The following DDAH2 variants were observed in gnomAD, a reference collection of about 807,000 sequenced individuals.
DDAH2 encodes putative hydrolase DDAH2.
In DDAH2, 8 loss-of-function variants were observed where a neutral mutation model predicts 24.8. The observed-to-expected ratio is 0.32, with a 90% CI of 0.19 to 0.58. The LOEUF (loss-of-function observed/expected upper bound fraction) is 0.58, where lower values mean the gene tolerates loss of function less well. Ranked by LOEUF, DDAH2 falls within the 20% of genes least tolerant of loss-of-function variation. The pLI is 0.87. For missense variants in DDAH2, 281 were observed against 379.0 expected (o/e 0.74, Z 2.15); for synonymous variants, 151 against 166.1 (o/e 0.91, Z 0.70).
chr6:31,729,232 G>A lies in DDAH2; in HGVS notation c.-71C>T. The stretch of plus-strand genomic sequence containing the variant: ...TTCTTGTTTCTTCACCTGTCTGGGA[G>A]AAGAAACAGAAAAGGAGGAGACAGA... On this transcript the variant is annotated 5_prime_UTR_variant, in exon 1 of 6. Coordinates refer to ENST00000375789, the MANE Select transcript of DDAH2 (RefSeq NM_001303007.2). This position sits in a 1 kb window ranked among gnomAD's most constrained non-coding sequence, Gnocchi z 6.7. The A allele has an allele frequency of 1.6e-6, 2 of 1,276,574 alleles. No individual in the cohort carries two copies. Among genetic ancestry groups the A allele is most frequent in the Non-Finnish European group, 2.2e-6 (2 of 917,522 alleles). The allele number at this position is 1,276,574 out of a possible 1,614,324, so 79.1% of individuals were successfully genotyped here.
chr6:31,727,771 G>C lies in DDAH2; in HGVS notation c.592-79C>G. ...CCTGCTCAACCACCACTAAGGGCTG[G>C]GGACGGACTGACATTTGTGGAAAAT... is the stretch of plus-strand genomic sequence containing the variant. On this transcript the variant is annotated intron_variant, in intron 4 of 5. Transcript: ENST00000375789. This position sits in a 1 kb window ranked among gnomAD's most constrained non-coding sequence, Gnocchi z 6.0. The C allele has an allele frequency of 6.9e-7, 1 of 1,454,844 alleles. No homozygotes were observed. The highest frequency in any genetic ancestry group is 9.3e-7 in the Non-Finnish European group (1 of 1,078,734). The allele number at this position is 1,454,844 out of a possible 1,614,324, so 90.1% of individuals were successfully genotyped here.
At position 31,727,278 on chromosome 6, in the gene DDAH2, T is replaced by G. The variant is rs1807450787; in HGVS notation, c.817A>C (p.Ser273Arg). 2.5e-6 allele frequency: 4 copies of G among 1,613,078 alleles called. No individual in the cohort carries two copies. The Middle Eastern group carries it at 4.9e-4, about 200-fold the overall frequency. Residue 273 changes from serine to arginine, a missense_variant, in exon 6 of 6, where the codon AGC becomes CGC. Transcript: ENST00000375789. This position sits in a 1 kb window ranked among gnomAD's most constrained non-coding sequence, Gnocchi z 6.0. ...GTGCTGAGCACCAAGCAGAGGGAGC[T>G]GAGCCCGGCGCCAGCCTTCTCCAGT... is the stretch of plus-strand genomic sequence containing the variant. Reference protein sequence around the residue: ...SELEKAGAGLSSLCLVLSTRP... With the variant: ...SELEKAGAGLRSLCLVLSTRP...
Position 31,727,730 on chromosome 6 carries a change from T to C in DDAH2, c.592-38A>G. 6.5e-7 allele frequency: 1 copy of C among 1,549,054 alleles called. No homozygotes were observed. The highest frequency in any genetic ancestry group is 8.7e-7 in the Non-Finnish European group (1 of 1,147,572). On this transcript the variant is annotated intron_variant, in intron 4 of 5. Transcript: ENST00000375789. The surrounding 1 kb of genome is among the most constrained non-coding windows in gnomAD (Gnocchi z 6.0). ...GGAAGTGTTCGAGTCTCAGAACCTC[T>C]CCACAGCTGTGTCTGCCTGCTCAAC... is the stretch of plus-strand genomic sequence containing the variant.
rs11752493 is a variant in DDAH2 at position 31,728,636 on chromosome 6, C to T, written c.397+10G>A. ...CCTGTGCCAAGACCTATGCCTCCCC[C>T]CAGCCTCACCGGTGAAGAGAACGTC... On this transcript the variant is annotated intron_variant, in intron 2 of 5. Coordinates refer to ENST00000375789, the MANE Select transcript of DDAH2 (RefSeq NM_001303007.2). This position sits in a 1 kb window ranked among gnomAD's most constrained non-coding sequence, Gnocchi z 9.8. 1 of 1,612,870 alleles carries T rather than the reference C, an allele frequency of 6.2e-7. No individual in the cohort carries two copies. Among genetic ancestry groups the T allele is most frequent in the Non-Finnish European group, 8.5e-7 (1 of 1,179,906 alleles).
rs777294461 is a variant in DDAH2, at chr6:31,727,332, C to T, written c.763G>A (p.Val255Ile). 1.9e-6 allele frequency: 3 copies of T among 1,612,818 alleles called. No individual in the cohort carries two copies. Among genetic ancestry groups the T allele is most frequent in the Non-Finnish European group, 2.5e-6 (3 of 1,179,954 alleles). The change falls in exon 6 of 6, where the codon GTC becomes ATC. Residue 255 changes from valine to isoleucine, a missense_variant. Val to Ile is a conservative substitution (Grantham distance 29, BLOSUM62 3). Transcript: ENST00000375789. This position sits in a 1 kb window ranked among gnomAD's most constrained non-coding sequence, Gnocchi z 6.0. ...GAGCAGGACACAGGTACCAGGGTGACATCAGAGAGCTTCTGCAGTGCCTGC... is the reference window on the plus strand; with the variant it reads ...GAGCAGGACACAGGTACCAGGGTGATATCAGAGAGCTTCTGCAGTGCCTGC... Reference protein sequence around the residue: ...SQEALQKLSDVTLVPVSCSEL... With the variant: ...SQEALQKLSDITLVPVSCSEL...
At chr6:31,729,503 C>A (rs1350376055), upstream of DDAH2, 1 of 320,986 alleles carries the variant, frequency 3.1e-6, no homozygotes, top group South Asian at 6.6e-5. This position sits in a 1 kb window ranked among gnomAD's most constrained non-coding sequence, Gnocchi z 6.7. Context: ...CCCTGTCGGG[C>A]GCCCCTCTTG....
rs759470664 is a variant in DDAH2, at chr6:31,727,297, C to T, written c.798G>A (p.Glu266=). ...TLVPVSCSEL[E]KAGAGLSSLC... ...GGGAGCTGAGCCCGGCGCCAGCCTT[C>T]TCCAGTTCTGAGCAGGACACAGGTA... Residue 266 remains glutamate (E), a synonymous_variant, in exon 6 of 6, where the codon GAG becomes GAA. Coordinates refer to ENST00000375789, the MANE Select transcript of DDAH2 (RefSeq NM_001303007.2). This position sits in a 1 kb window ranked among gnomAD's most constrained non-coding sequence, Gnocchi z 6.0. 1.2e-6 allele frequency: 2 copies of T among 1,613,110 alleles called. No individual in the cohort carries two copies. The highest frequency in any genetic ancestry group is 1.1e-5 in the South Asian group (1 of 91,080).
chr6:31,728,159 C>T lies in DDAH2; in HGVS notation c.591+14G>A, dbSNP rs371169103. ...GAACTGCGCCCACTTTCGTTGGCCC[C>T]GCCCCCTCCTCACCCGGACAGCCTT... On this transcript the variant is annotated intron_variant, in intron 4 of 5. Coordinates refer to ENST00000375789, the MANE Select transcript of DDAH2 (RefSeq NM_001303007.2). This position sits in a 1 kb window ranked among gnomAD's most constrained non-coding sequence, Gnocchi z 9.8. The T allele has an allele frequency of 6.8e-6, 11 of 1,610,268 alleles. No individual in the cohort carries two copies. In the African/African-American group the frequency reaches 1.3e-4, roughly 20 times the overall value.
Position 31,728,092 on chromosome 6 carries a change from G to T in DDAH2, c.591+81C>A. The T allele has an allele frequency of 6.5e-7, 1 of 1,544,520 alleles. No homozygotes were observed. On this transcript the variant is annotated intron_variant, in intron 4 of 5. Transcript: ENST00000375789. This position sits in a 1 kb window ranked among gnomAD's most constrained non-coding sequence, Gnocchi z 9.8. ...CAGCCCATTGAGGGCAGGGGTTAGG[G>T]CTAATTTCCTAAGCCTCCCAGCTCC... is the stretch of plus-strand genomic sequence containing the variant.
rs766920260 is a variant in DDAH2 at position 31,727,739 on chromosome 6, G to C, written c.592-47C>G. On this transcript the variant is annotated intron_variant, in intron 4 of 5. Coordinates refer to ENST00000375789, the MANE Select transcript of DDAH2 (RefSeq NM_001303007.2). The surrounding 1 kb of genome is among the most constrained non-coding windows in gnomAD (Gnocchi z 6.0). Reference sequence around the variant, plus strand: ...CGAGTCTCAGAACCTCTCCACAGCTGTGTCTGCCTGCTCAACCACCACTAA... The same window carrying C: ...CGAGTCTCAGAACCTCTCCACAGCTCTGTCTGCCTGCTCAACCACCACTAA... 2 of 1,534,064 alleles carry C rather than the reference G, an allele frequency of 1.3e-6. No homozygotes were observed. The highest frequency in any genetic ancestry group is 1.8e-6 in the Non-Finnish European group (2 of 1,141,048).
Position 31,727,685 on chromosome 6 carries a change from G to A in DDAH2, c.599C>T (p.Ala200Val), listed in dbSNP as rs1354556244. ...GGCATATGGGTGATCTGTCAGCACT[G>A]CCATTGCCTAGAGGAAAGAGGAAGT... is the stretch of plus-strand genomic sequence containing the variant. The part of the protein sequence containing the change: ...DAAQKAVRAM[A>V]VLTDHPYASL... Residue 200 changes from alanine to valine, a missense_variant, in exon 5 of 6, where the codon GCA becomes GTA. Coordinates refer to ENST00000375789, the MANE Select transcript of DDAH2 (RefSeq NM_001303007.2). This position sits in a 1 kb window ranked among gnomAD's most constrained non-coding sequence, Gnocchi z 6.0. 6.2e-7 allele frequency: 1 copy of A among 1,600,640 alleles called. No individual in the cohort carries two copies. Among genetic ancestry groups the A allele is most frequent in the Non-Finnish European group, 8.5e-7 (1 of 1,173,506 alleles).
Position 31,728,174 on chromosome 6 carries a change from C to G in DDAH2, c.590G>C (p.Arg197Pro). The stretch of plus-strand genomic sequence containing the variant: ...TCGTTGGCCCCGCCCCCTCCTCACC[C>G]GGACAGCCTTTTGGGCAGCGTCGCT... ...GSSDAAQKAV[R>P]AMAVLTDHPY... is the part of the protein sequence containing the mutation. Residue 197 changes from arginine (R) to proline (P), a missense_variant and splice_region_variant, in exon 4 of 6, where the codon CGG (arginine) becomes CCG (proline). Transcript: ENST00000375789. The surrounding 1 kb of genome is among the most constrained non-coding windows in gnomAD (Gnocchi z 9.8). The G allele has an allele frequency of 6.2e-7, 1 of 1,611,576 alleles. No individual in the cohort carries two copies. Among genetic ancestry groups the G allele is most frequent in the Non-Finnish European group, 8.5e-7 (1 of 1,179,856 alleles).
rs376853159 is a variant in DDAH2, at chr6:31,728,927, C to T, written c.235G>A (p.Ala79Thr). 1.3e-4 allele frequency: 212 copies of T among 1,612,996 alleles called. No individual in the cohort carries two copies. The highest frequency in any genetic ancestry group is 1.8e-4 in the Non-Finnish European group (207 of 1,180,034). ...LPLGPLLGDT[A>T]VIQGDTALIT... Reference sequence around the variant, plus strand: ...AGGGCCGTGTCCCCTTGGATCACGGCCGTGTCGCCAAGCAGCGGTCCCAGC... The same window carrying T: ...AGGGCCGTGTCCCCTTGGATCACGGTCGTGTCGCCAAGCAGCGGTCCCAGC... Residue 79 changes from alanine (A) to threonine (T), a missense_variant, in exon 1 of 6, where the codon GCC becomes ACC. By Grantham distance (58) the Ala-to-Thr change is moderately conservative. Transcript: ENST00000375789. This position sits in a 1 kb window ranked among gnomAD's most constrained non-coding sequence, Gnocchi z 9.8.
Position 31,727,559 on chromosome 6 carries a change from A to G in DDAH2, c.725T>C (p.Leu242Pro), listed in dbSNP as rs765073923. 8 of 1,612,990 alleles carry G rather than the reference A, an allele frequency of 5.0e-6. No homozygotes were observed. The highest frequency in any genetic ancestry group is 6.8e-6 in the Non-Finnish European group (8 of 1,180,034). ...CTCTCTCACCTCCTGGCTGTTGGGCAGATCCCCACCTCCACGGTGCAGGAG... is the reference window on the plus strand; with the variant it reads ...CTCTCTCACCTCCTGGCTGTTGGGCGGATCCCCACCTCCACGGTGCAGGAG... ...PFLLHRGGGD[L>P]PNSQEALQKL... The change falls in exon 5 of 6, where the codon CTG becomes CCG. Residue 242 changes from leucine to proline, a missense_variant. Leu to Pro is a moderately conservative substitution (Grantham distance 98, BLOSUM62 -3). Coordinates refer to ENST00000375789, the MANE Select transcript of DDAH2 (RefSeq NM_001303007.2). The surrounding 1 kb of genome is among the most constrained non-coding windows in gnomAD (Gnocchi z 6.0).
chr6:31,728,606 A>G lies in DDAH2; in HGVS notation c.397+40T>C. The G allele has an allele frequency of 6.2e-7, 1 of 1,611,608 alleles. No homozygotes were observed. The highest frequency in any genetic ancestry group is 8.5e-7 in the Non-Finnish European group (1 of 1,179,060). On this transcript the variant is annotated intron_variant, in intron 2 of 5. Coordinates refer to ENST00000375789, the MANE Select transcript of DDAH2 (RefSeq NM_001303007.2). This position sits in a 1 kb window ranked among gnomAD's most constrained non-coding sequence, Gnocchi z 9.8. ...CAGACGGCCGAGTCTCCCAAACTCT[A>G]CTTCCCTGTGCCAAGACCTATGCCT...
chr6:31,727,285 GGC>G lies in DDAH2; in HGVS notation c.808_809del (p.Ala270ArgfsTer28). ...VSCSELEKAG[A>X]GLSSLCLVLS... Reference sequence around the variant, plus strand: ...GCACCAAGCAGAGGGAGCTGAGCCCGGCGCCAGCCTTCTCCAGTTCTGAGCAG... The same window carrying G: ...GCACCAAGCAGAGGGAGCTGAGCCCGGCCAGCCTTCTCCAGTTCTGAGCAG... On this transcript the variant is annotated frameshift_variant, in exon 6 of 6. Coordinates refer to ENST00000375789, the MANE Select transcript of DDAH2 (RefSeq NM_001303007.2). LOFTEE classifies it high-confidence loss of function. This position sits in a 1 kb window ranked among gnomAD's most constrained non-coding sequence, Gnocchi z 6.0. 2 of 1,613,068 alleles carry G rather than the reference GGC, an allele frequency of 1.2e-6. No individual in the cohort carries two copies. Among genetic ancestry groups the G allele is most frequent in the Non-Finnish European group, 1.7e-6 (2 of 1,180,026 alleles).
Position 31,728,302 on chromosome 6 carries a change from G to A in DDAH2, c.472-10C>T. 6.2e-7 allele frequency: 1 copy of A among 1,606,940 alleles called. No individual in the cohort carries two copies. The highest frequency in any genetic ancestry group is 8.5e-7 in the Non-Finnish European group (1 of 1,175,984). ...TGGAGACGGCGAAGTCCTAGGGAGA[G>A]CGAAGGGAGGTATTCAGGGGCGCGG... On this transcript the variant is annotated splice_polypyrimidine_tract_variant and intron_variant, in intron 3 of 5. Coordinates refer to ENST00000375789, the MANE Select transcript of DDAH2 (RefSeq NM_001303007.2). The surrounding 1 kb of genome is among the most constrained non-coding windows in gnomAD (Gnocchi z 9.8).
At position 31,727,371 on chromosome 6, in the gene DDAH2, G is replaced by T. The variant is rs1456105228; in HGVS notation, c.742-18C>A. ...TGCAGTGCCTGCACAGGGAAGACAT[G>T]GAGTGGGGAGAGGGGAGTGAGACCT... On this transcript the variant is annotated intron_variant, in intron 5 of 5. Coordinates refer to ENST00000375789, the MANE Select transcript of DDAH2 (RefSeq NM_001303007.2). This position sits in a 1 kb window ranked among gnomAD's most constrained non-coding sequence, Gnocchi z 6.0. 1 of 1,606,136 alleles carries T rather than the reference G, an allele frequency of 6.2e-7. No homozygotes were observed. Among genetic ancestry groups the T allele is most frequent in the East Asian group, 2.2e-5 (1 of 44,836 alleles).
chr6:31,729,253 A>G lies in DDAH2; in HGVS notation c.-92T>C, dbSNP rs1807664496. 1 of 1,164,594 alleles carries G rather than the reference A, an allele frequency of 8.6e-7. No individual in the cohort carries two copies. Among genetic ancestry groups the G allele is most frequent in the East Asian group, 2.4e-5 (1 of 42,342 alleles). 72.1% of individuals were successfully genotyped at this position (1,164,594 alleles called of 1,614,324 possible). On this transcript the variant is annotated 5_prime_UTR_variant, in exon 1 of 6. Transcript: ENST00000375789. The surrounding 1 kb of genome is among the most constrained non-coding windows in gnomAD (Gnocchi z 6.7). ...GGGAGAAGAAACAGAAAAGGAGGAG[A>G]CAGAGAAAAAGACATGCAGACAAGG...
Sources: allele counts gnomAD v4.1 joint callset, GRCh38; gene constraint gnomAD v4.1.1; non-coding constraint Gnocchi (gnomAD v3.1); transcripts MANE v1.5; gene names NCBI Gene and HGNC (gene_info 2026-07-23, HGNC 2026-07-21).